Variants in SMYD3 observed in about 807,000 individuals in gnomAD.
The protein encoded by SMYD3 is SET and MYND domain containing 3.
Under a neutral mutation model 57.7 loss-of-function variants are expected in SMYD3, and 36 were observed. That is an observed-to-expected ratio of 0.62 (90% CI 0.48 to 0.82). The LOEUF (loss-of-function observed/expected upper bound fraction) is 0.82, where lower values mean the gene tolerates loss of function less well. SMYD3 is among the 40% of genes least tolerant of loss of function. The pLI, the probability that SMYD3 is intolerant of heterozygous loss-of-function variation, is 0.00. For missense variants in SMYD3, 515 were observed against 538.8 expected (o/e 0.96, Z 0.44); for synonymous variants, 211 against 195.0 (o/e 1.08, Z -0.68).
chr1:246,115,411 A>T (rs2061327588), intron 5 of SMYD3, among the ~76,000 whole-genome samples: 1 of 152,128 alleles, frequency 6.6e-6, no homozygotes, highest in Non-Finnish European at 1.5e-5. Flanking sequence ...CCCACCTAAG[A>T]AAGATTAAAA....
chr1:246,287,719 G>A (rs2064599425), intron 5 of SMYD3, among the ~76,000 whole-genome samples: 1 of 152,144 alleles, frequency 6.6e-6, no homozygotes, highest in South Asian at 2.1e-4. Context: ...TCTGCCTACG[G>A]GATATTCAGG....
chr1:246,380,800 G>T (rs934528927), intron 1 of SMYD3, among the ~76,000 whole-genome samples: 3 of 152,192 alleles, frequency 2.0e-5, no homozygotes, highest in Non-Finnish European at 4.4e-5. Flanking sequence ...TCTTGAAATT[G>T]AGATATCTGA....
At chr1:246,317,881 T>C (rs77339204) in intron 5 of SMYD3, among the ~76,000 whole-genome samples, 3,782 of 152,064 alleles carry the variant, frequency 0.025, 76 homozygotes, top group Non-Finnish European at 0.04. Flanking sequence ...AGCCTAAATA[T>C]TTACAATGTG....
At chr1:245,835,885 T>TCGACGTGA (rs2050083144) in intron 10 of SMYD3, among the ~76,000 whole-genome samples, 1 of 152,176 alleles carries the variant, frequency 6.6e-6, no homozygotes, top group Non-Finnish European at 1.5e-5. Context: ...CTGTTCTCCG[T>TCGACGTGA]CGACGTGACT....
At chr1:246,380,693 A>G (rs1434229305) in intron 1 of SMYD3, among the ~76,000 whole-genome samples, 1 of 152,254 alleles carries the variant, frequency 6.6e-6, no homozygotes. Context: ...ACAGAGGCAG[A>G]ATAGCAGGAA....
intron 5 of SMYD3, chr1:245,956,171 G>A: frequency 8.7e-6 from 5 of 572,460 alleles, no homozygotes; most frequent in Non-Finnish European, 1.1e-5. Flanking sequence ...TCCTGCCTGG[G>A]CCTCCCAAAG....
chr1:245,993,599 T>TAGATAGACAGATAGATAGATAGAC (rs200823571), intron 5 of SMYD3, among the ~76,000 whole-genome samples: 1 of 45,672 alleles, frequency 2.2e-5, no homozygotes, highest in East Asian at 2.8e-4. Flanking sequence ...GATAGATAGA[T>TAGATAGACAGATAGATAGATAGAC]AGATAGATAG....
At chr1:245,995,316 A>C (rs1448142777) in intron 5 of SMYD3, among the ~76,000 whole-genome samples, 1 of 152,172 alleles carries the variant, frequency 6.6e-6, no homozygotes, top group African/African-American at 2.4e-5. Flanking sequence ...CTAGGTCCAA[A>C]CCCTGAATTC....
At chr1:246,429,069 C>G (rs1029286328) in intron 1 of SMYD3, among the ~76,000 whole-genome samples, 2 of 118,108 alleles carry the variant, frequency 1.7e-5, no homozygotes, top group African/African-American at 6.0e-5. Flanking sequence ...TTGTTCCCAC[C>G]ACAGAACCAA....
intron 5 of SMYD3, among the ~76,000 whole-genome samples, chr1:246,144,636 G>T (rs1406080143): frequency 6.6e-6 from 1 of 152,090 alleles, no homozygotes; most frequent in Non-Finnish European, 1.5e-5. Context: ...AATGACAGGA[G>T]CATATCATAA....
At position 246,347,914 on chromosome 1, in the gene SMYD3, C is replaced by A. The variant is rs188458383; in HGVS notation, c.228+7117G>T. 2.0e-5 allele frequency among the ~76,000 whole-genome samples: 3 copies of A among 151,812 alleles called. No homozygotes were observed. The East Asian group carries it at 5.8e-4, about 29-fold the overall frequency. Reference sequence around the variant, plus strand: ...GAACTACCATGTGACCCAGCAATTCCATTACTGGGTATATACCCAAAGGAA... The same window carrying A: ...GAACTACCATGTGACCCAGCAATTCAATTACTGGGTATATACCCAAAGGAA... On this transcript the variant is annotated intron_variant, in intron 2 of 11. Coordinates refer to ENST00000490107, the MANE Select transcript of SMYD3 (RefSeq NM_001167740.2).
chr1:246,164,878 G>A (rs988474000), intron 5 of SMYD3, among the ~76,000 whole-genome samples: 11 of 152,334 alleles, frequency 7.2e-5, no homozygotes, highest in South Asian at 6.2e-4. Context: ...TCCCATGTTG[G>A]CTGCTGGAAG....
intron 5 of SMYD3, among the ~76,000 whole-genome samples, chr1:246,133,605 A>G (rs1353705650): frequency 2.0e-5 from 3 of 152,142 alleles, no homozygotes; most frequent in African/African-American, 7.2e-5. Context: ...TCTTCTTGAT[A>G]TATGTCATCA....
At chr1:246,255,927 AAGATAGATAGATAGATAGAT>A (rs55974041) in intron 5 of SMYD3, among the ~76,000 whole-genome samples, 33 of 121,294 alleles carry the variant, frequency 2.7e-4, no homozygotes, top group Admixed American at 5.3e-4. Context: ...CATAACTAAT[AAGATAGATAGATAGATAGAT>A]AGATAGATAG....
intron 5 of SMYD3, among the ~76,000 whole-genome samples, chr1:246,025,172 A>G (rs972426382): frequency 1.4e-5 from 2 of 146,400 alleles, no homozygotes; most frequent in Non-Finnish European, 3.0e-5. Flanking sequence ...TCTAGGAAGG[A>G]GATACAGGAA....
intron 5 of SMYD3, among the ~76,000 whole-genome samples, chr1:246,181,375 T>C (rs1249638092): frequency 1.3e-5 from 2 of 152,208 alleles, no homozygotes; most frequent in African/African-American, 4.8e-5. Flanking sequence ...AAGGAATCTG[T>C]GTACTTACAA....
At chr1:245,769,700 T>A (rs2148079153) in intron 10 of SMYD3, among the ~76,000 whole-genome samples, 1 of 152,306 alleles carries the variant, frequency 6.6e-6, no homozygotes, top group South Asian at 2.1e-4. Context: ...AGAAAAAATG[T>A]CCTCATTTTT....
intron 5 of SMYD3, among the ~76,000 whole-genome samples, chr1:245,933,523 T>C (rs1306511050): frequency 6.6e-6 from 1 of 152,190 alleles, no homozygotes; most frequent in Non-Finnish European, 1.5e-5. Context: ...TCTAGTGAGT[T>C]GTCATTGAGC....
intron 10 of SMYD3, among the ~76,000 whole-genome samples, chr1:245,829,687 C>T (rs890024454): frequency 2.0e-5 from 3 of 152,028 alleles, no homozygotes; most frequent in African/African-American, 7.2e-5. Context: ...AAAACTTGTG[C>T]ACACATGTTC....
Sources: gnomAD v4.1 joint callset for allele counts (sites outside exome capture counted in the v4.1 genomes callset) on GRCh38, gnomAD v4.1.1 for gene constraint, MANE v1.5 for transcripts, NCBI Gene and HGNC (gene_info 2026-07-23, HGNC 2026-07-21) for gene names.